SSBP4: variants seen among roughly 807,000 people sequenced by gnomAD.
SSBP4 encodes the protein single-stranded DNA-binding protein 4.
In SSBP4, 33 loss-of-function variants were observed where a neutral mutation model predicts 64.6. The ratio of observed to expected loss-of-function variants is 0.51; its 90% confidence interval spans 0.39 to 0.68. The LOEUF (loss-of-function observed/expected upper bound fraction) is 0.68, where lower values mean the gene tolerates loss of function less well. SSBP4 is among the 30% of genes least tolerant of loss of function. The probability of loss-of-function intolerance (pLI) is 0.00; values close to 1 mark genes in which losing one functional copy is unlikely to be tolerated. For missense variants in SSBP4, 583 were observed against 566.8 expected (o/e 1.03, Z -0.29); for synonymous variants, 243 against 224.0 (o/e 1.08, Z -0.76).
rs1336090849 is a variant in SSBP4 at position 18,431,388 on chromosome 19, C to G, written c.405C>G (p.Pro135=). The change falls in exon 6 of 18, where the codon CCC becomes CCG. Residue 135 remains proline, a synonymous_variant. Coordinates refer to ENST00000270061, the MANE Select transcript of SSBP4 (RefSeq NM_032627.5). ...GCTCCCAGCCGTCCCCCCACAACCC[C>G]AACGCCCCCATGATGGGGCCTCACG... is the stretch of plus-strand genomic sequence containing the variant. ...PPGSQPSPHN[P]NAPMMGPHGQ... is the part of the protein sequence containing the mutation. 6.7e-7 allele frequency: 1 copy of G among 1,496,276 alleles called. No individual in the cohort carries two copies. The highest frequency in any genetic ancestry group is 1.2e-5 in the South Asian group (1 of 80,502). 92.7% of individuals were successfully genotyped at this position (1,496,276 alleles called of 1,614,324 possible).
At chr19:18,430,124 C>G (rs1198249385) in intron 4 of SSBP4, among the ~76,000 whole-genome samples, 1 of 152,134 alleles carries the variant, frequency 6.6e-6, no homozygotes, top group African/African-American at 2.4e-5. Context: ...TTGGCCTGGA[C>G]CATACAGACA....
At chr19:18,404,772 G>C in the SSBP4 span, among the ~76,000 whole-genome samples, 2 of 141,014 alleles carry the variant, frequency 1.4e-5, no homozygotes, top group South Asian at 4.6e-4. Flanking sequence ...GGTGTCTGTA[G>C]TCCCAGCTAC....
the SSBP4 span, among the ~76,000 whole-genome samples, chr19:18,403,371 T>C: frequency 6.6e-6 from 1 of 152,220 alleles, no homozygotes; most frequent in Non-Finnish European, 1.5e-5. Context: ...GTTCTTTCTC[T>C]ATACTCTGTC....
At chr19:18,430,158 C>T (rs1379303958) in intron 4 of SSBP4, among the ~76,000 whole-genome samples, 1 of 152,122 alleles carries the variant, frequency 6.6e-6, no homozygotes, top group African/African-American at 2.4e-5. Flanking sequence ...AAGTTCTCCC[C>T]TCCCTGTCCC....
the SSBP4 span, among the ~76,000 whole-genome samples, chr19:18,405,386 C>G: frequency 1.3e-5 from 2 of 151,846 alleles, no homozygotes; most frequent in Admixed American, 1.3e-4. Flanking sequence ...CCACGCCAGG[C>G]GTGATGGCTC....
intron 4 of SSBP4, 74 bp downstream of exon 4, chr19:18,428,056 T>TTGGGGGGGGGGTGGGGGGGG: frequency 4.5e-6 from 2 of 444,258 alleles, no homozygotes; most frequent in Admixed American, 3.8e-5. Flanking sequence ...GGAGGTGGGG[T>TTGGGGGGGGGGTGGGGGGGG]GGGGGGCTGC....
chr19:18,432,240 T>G, intron 10 of SSBP4, 26 bp downstream of exon 10: 1 of 1,608,694 alleles, frequency 6.2e-7, no homozygotes, highest in Non-Finnish European at 8.5e-7. Flanking sequence ...ATCCTAGGAG[T>G]GTGCAGTTCG....
the SSBP4 span, among the ~76,000 whole-genome samples, chr19:18,411,086 G>A: frequency 6.6e-6 from 1 of 151,864 alleles, no homozygotes; most frequent in Non-Finnish European, 1.5e-5. Context: ...ACCAGTCTGG[G>A]TAGCATAGTG....
chr19:18,406,517 G>A, the SSBP4 span, among the ~76,000 whole-genome samples: 2 of 152,074 alleles, frequency 1.3e-5, no homozygotes, highest in East Asian at 3.9e-4. Context: ...GCCTGGTGGT[G>A]TGCGCCTGTA....
chr19:18,417,563 GGGAGTGACCT>G (rs1180615006), upstream of SSBP4, among the ~76,000 whole-genome samples: 1 of 152,160 alleles, frequency 6.6e-6, no homozygotes, highest in Non-Finnish European at 1.5e-5. This position sits in a 1 kb window ranked among gnomAD's most constrained non-coding sequence, Gnocchi z 5.4. Flanking sequence ...TCATTAGGAT[GGGAGTGACCT>G]GGACGCCGAA....
chr19:18,427,684 G>T lies in SSBP4; in HGVS notation c.133-68G>T. 6.6e-7 allele frequency: 1 copy of T among 1,509,370 alleles called. No homozygotes were observed. The highest frequency in any genetic ancestry group is 8.9e-7 in the Non-Finnish European group (1 of 1,118,616). The allele number at this position is 1,509,370 out of a possible 1,614,324, so 93.5% of individuals were successfully genotyped here. ...TCCCTCCCTGCCCAGATGTTCTCTGGGCACCCTGCTGGGTGGTGGGGCAGG... is the reference window on the plus strand; with the variant it reads ...TCCCTCCCTGCCCAGATGTTCTCTGTGCACCCTGCTGGGTGGTGGGGCAGG... On this transcript the variant is annotated intron_variant, in intron 2 of 17. Coordinates refer to ENST00000270061, the MANE Select transcript of SSBP4 (RefSeq NM_032627.5). The surrounding 1 kb of genome is among the most constrained non-coding windows in gnomAD (Gnocchi z 4.4).
At chr19:18,431,029 G>A in intron 5 of SSBP4, 99 bp downstream of exon 5, 11 of 1,390,302 alleles carry the variant, frequency 7.9e-6, no homozygotes, top group Non-Finnish European at 9.9e-6. Context: ...GAGGCCGGCA[G>A]GCTGGAGTTG....
chr19:18,407,802 G>C, the SSBP4 span, among the ~76,000 whole-genome samples: 1 of 152,036 alleles, frequency 6.6e-6, no homozygotes, highest in Non-Finnish European at 1.5e-5. Flanking sequence ...GGGTGCAGTG[G>C]CGCAATCATG....
chr19:18,421,207 C>T (rs1972443224), intron 1 of SSBP4, among the ~76,000 whole-genome samples: 1 of 152,244 alleles, frequency 6.6e-6, no homozygotes, highest in Non-Finnish European at 1.5e-5. Flanking sequence ...GGAGAAGAGG[C>T]TCTTCTGGCT....
the SSBP4 span, among the ~76,000 whole-genome samples, chr19:18,407,622 G>A: frequency 6.6e-6 from 1 of 151,470 alleles, no homozygotes; most frequent in African/African-American, 2.4e-5. Context: ...TAGTAGAGAC[G>A]GGGTTTCACT....
rs975764050 is a variant in SSBP4, at chr19:18,419,986, G to T, written c.59+279G>T. 13 of 176,330 alleles carry T rather than the reference G, an allele frequency of 7.4e-5. No individual in the cohort carries two copies. In the East Asian group the frequency reaches 1.2e-3, roughly 16 times the overall value. The allele number at this position is 176,330 out of a possible 1,614,324, so 10.9% of individuals were successfully genotyped here. On this transcript the variant is annotated intron_variant, in intron 1 of 17. Coordinates refer to ENST00000270061, the MANE Select transcript of SSBP4 (RefSeq NM_032627.5). Reference sequence around the variant, plus strand: ...GGGCGAGACCGGAGCGGCTCCAGGGGTCGCGAGATTGGCGGGGGCGCGCGA... The same window carrying T: ...GGGCGAGACCGGAGCGGCTCCAGGGTTCGCGAGATTGGCGGGGGCGCGCGA...
rs2144756634 is a variant in SSBP4, at chr19:18,429,274, G to A, written c.279+1292G>A. Among the ~76,000 whole-genome samples the A allele has an allele frequency of 2.0e-5, 3 of 151,214 alleles. No individual in the cohort carries two copies. In the East Asian group the frequency reaches 5.9e-4, roughly 30 times the overall value. ...GGGGGGGCTCTGTTCGCCCCTCCCCGGCTCCCTGCCGACCTTGGCGTCTCC... is the reference window on the plus strand; with the variant it reads ...GGGGGGGCTCTGTTCGCCCCTCCCCAGCTCCCTGCCGACCTTGGCGTCTCC... On this transcript the variant is annotated intron_variant, in intron 4 of 17. Coordinates refer to ENST00000270061, the MANE Select transcript of SSBP4 (RefSeq NM_032627.5).
At chr19:18,406,808 C>T in the SSBP4 span, among the ~76,000 whole-genome samples, 1,375 of 152,164 alleles carry the variant, frequency 9.0e-3, 23 homozygotes, top group African/African-American at 0.031. Context: ...CTGGAGCCAG[C>T]GGTCAGGACC....
intron 5 of SSBP4, 104 bp from the exon 6 acceptor site, chr19:18,431,249 C>T: frequency 4.8e-6 from 3 of 619,070 alleles, no homozygotes. Context: ...AGGTCCCTGT[C>T]CCACAGGCTG....
Sources: gnomAD v4.1 joint callset for allele counts (sites outside exome capture counted in the v4.1 genomes callset) on GRCh38, gnomAD v4.1.1 for gene constraint, Gnocchi (gnomAD v3.1) non-coding constraint, MANE v1.5 for transcripts, NCBI Gene and HGNC (gene_info 2026-07-23, HGNC 2026-07-21) for gene names.